DPF3: variants seen among roughly 807,000 people sequenced by gnomAD.
The protein encoded by DPF3 is zinc finger protein DPF3.
A neutral mutation model predicts 56.8 loss-of-function variants in DPF3; 18 were observed. The observed-to-expected ratio is 0.32, with a 90% CI of 0.22 to 0.47. DPF3 has a LOEUF of 0.47. Ranked by LOEUF, DPF3 falls within the 20% of genes least tolerant of loss-of-function variation. The pLI, the probability that DPF3 is intolerant of heterozygous loss-of-function variation, is 1.00. For missense variants in DPF3, 403 were observed against 488.8 expected, an observed-to-expected ratio of 0.82 and a Z score of 1.65; for synonymous variants, 188 against 180.2, an observed-to-expected ratio of 1.04 and a Z score of -0.35.
chr14:72,707,075 T>C (rs1294228337), intron 6 of DPF3, among the ~76,000 whole-genome samples: 37 of 150,802 alleles, frequency 2.5e-4, no homozygotes, highest in Non-Finnish European at 4.4e-5. Flanking sequence ...GAATATGCGG[T>C]GTTTGGTTTT....
intron 8 of DPF3, chr14:72,662,368 C>T (rs181492165): frequency 1.0e-6 from 1 of 985,112 alleles, no homozygotes; most frequent in Non-Finnish European, 1.2e-6. Flanking sequence ...CAAAATTGCG[C>T]TTAACTTTTG....
chr14:72,892,187 C>T, intron 1 of DPF3: 1 of 1,535,366 alleles, frequency 6.5e-7, no homozygotes, highest in Non-Finnish European at 8.7e-7. Context: ...TTGAGTTTAC[C>T]AGGTGGCATC....
chr14:72,749,273 T>C (rs1180041506), intron 3 of DPF3, among the ~76,000 whole-genome samples: 1 of 152,230 alleles, frequency 6.6e-6, no homozygotes. Flanking sequence ...TTGACTGCCA[T>C]GCTGGATTTT....
At chr14:72,692,444 G>A (rs781418302) in intron 7 of DPF3, among the ~76,000 whole-genome samples, 1 of 152,204 alleles carries the variant, frequency 6.6e-6, no homozygotes, top group Non-Finnish European at 1.5e-5. Flanking sequence ...AGGTAAGAAA[G>A]CAGAGAAACG....
chr14:72,620,378 T>C (rs557998205), intron 9 of DPF3, among the ~76,000 whole-genome samples: 2 of 152,234 alleles, frequency 1.3e-5, no homozygotes, highest in Non-Finnish European at 2.9e-5. Flanking sequence ...AAGATCTTAA[T>C]TGAATTCTTC....
intron 6 of DPF3, among the ~76,000 whole-genome samples, chr14:72,709,296 C>T (rs950744427): frequency 3.9e-5 from 6 of 152,102 alleles, no homozygotes; most frequent in South Asian, 4.2e-4. Flanking sequence ...TGACACCTGA[C>T]GTGACTCAGG....
intron 3 of DPF3, among the ~76,000 whole-genome samples, chr14:72,739,711 C>T (rs888032998): frequency 2.6e-5 from 4 of 152,134 alleles, no homozygotes; most frequent in Admixed American, 2.6e-4. Context: ...CCAGGGTGGC[C>T]ATTGCTCCTG....
chr14:72,767,843 T>C (rs373212830), intron 2 of DPF3, among the ~76,000 whole-genome samples: 1 of 147,304 alleles, frequency 6.8e-6, no homozygotes, highest in African/African-American at 2.5e-5. Flanking sequence ...AAAAAATCTA[T>C]GGCAAAACAC....
Position 72,691,455 on chromosome 14 carries a change from G to A in DPF3, c.742+1621C>T, listed in dbSNP as rs140643735. 4.5e-3 allele frequency among the ~76,000 whole-genome samples: 684 copies of A among 152,308 alleles called. 7 individuals are homozygous for A. Among genetic ancestry groups the A allele is most frequent in the African/African-American group, 0.016 (661 of 41,558 alleles). ...TACAAGAAGAGGAAATGGGCTGGGC[G>A]TGGTGGCTCACACCTATAATCCCAG... On this transcript the variant is annotated intron_variant, in intron 7 of 10. Transcript: ENST00000556509.
intron 1 of DPF3, among the ~76,000 whole-genome samples, chr14:72,857,995 G>T (rs886245513): frequency 1.3e-5 from 2 of 151,654 alleles, no homozygotes; most frequent in South Asian, 2.1e-4. Flanking sequence ...CATAGAAAAC[G>T]TTCAGAGCAA....
At chr14:72,641,573 G>C (rs1381032696) in intron 8 of DPF3, among the ~76,000 whole-genome samples, 2 of 152,246 alleles carry the variant, frequency 1.3e-5, no homozygotes, top group African/African-American at 4.8e-5. Flanking sequence ...CAGCCCCAGA[G>C]TCTGATCAAG....
chr14:72,674,283 C>T lies in DPF3; in HGVS notation c.828G>A (p.Gly276=), dbSNP rs1379496317. ...LGGSNMNKKS[G]RPEELVSCAD... ...CGCAGGACACCAGCTCTTCAGGCCGCCCACTCTTCTTGTTCATGTTGGAGC... is the reference window on the plus strand; with the variant it reads ...CGCAGGACACCAGCTCTTCAGGCCGTCCACTCTTCTTGTTCATGTTGGAGC... The change falls in exon 8 of 11, where the codon GGG becomes GGA. Residue 276 remains glycine (G), a synonymous_variant. Coordinates refer to ENST00000556509, the MANE Select transcript of DPF3 (RefSeq NM_001280542.3). 1 of 1,612,584 alleles carries T rather than the reference C, an allele frequency of 6.2e-7. No homozygotes were observed. Among genetic ancestry groups the T allele is most frequent in the Non-Finnish European group, 8.5e-7 (1 of 1,179,450 alleles).
At chr14:72,704,500 C>T (rs1888323241) in intron 6 of DPF3, among the ~76,000 whole-genome samples, 1 of 152,042 alleles carries the variant, frequency 6.6e-6, no homozygotes. Flanking sequence ...TTTGTGAGTT[C>T]CAGGCTATCC....
At chr14:72,887,621 G>T (rs1886597636) in intron 1 of DPF3, among the ~76,000 whole-genome samples, 1 of 152,244 alleles carries the variant, frequency 6.6e-6, no homozygotes, top group Non-Finnish European at 1.5e-5. Context: ...GAGCCAGAAA[G>T]TTGTTGGCTT....
chr14:72,744,868 A>G (rs1356455618), intron 3 of DPF3, among the ~76,000 whole-genome samples: 1 of 152,148 alleles, frequency 6.6e-6, no homozygotes, highest in African/African-American at 2.4e-5. Context: ...GCCTTGAGAC[A>G]ATTCTGCTCC....
intron 8 of DPF3, among the ~76,000 whole-genome samples, chr14:72,639,869 G>T (rs61994427): frequency 0.057 from 8,705 of 151,714 alleles, 269 homozygotes; most frequent in Middle Eastern, 0.082. Context: ...ATTATATATA[G>T]AGAGAGAGAC....
At chr14:72,778,144 T>A (rs1357115053) in intron 1 of DPF3, among the ~76,000 whole-genome samples, 1 of 152,070 alleles carries the variant, frequency 6.6e-6, no homozygotes. Flanking sequence ...ATCTTGAACT[T>A]CCCAGCCTCC....
chr14:72,797,521 C>T (rs1440027320), intron 1 of DPF3, among the ~76,000 whole-genome samples: 1 of 152,116 alleles, frequency 6.6e-6, no homozygotes, highest in African/African-American at 2.4e-5. Flanking sequence ...AAGTATTGAA[C>T]TGATATATCA....
intron 7 of DPF3, among the ~76,000 whole-genome samples, chr14:72,692,416 A>C (rs1887729696): frequency 6.6e-6 from 1 of 152,168 alleles, no homozygotes; most frequent in African/African-American, 2.4e-5. Flanking sequence ...GGATTCCCTA[A>C]TTCATAATTG....
Sources: gnomAD v4.1 joint callset for allele counts (sites outside exome capture counted in the v4.1 genomes callset) on GRCh38, gnomAD v4.1.1 for gene constraint, MANE v1.5 for transcripts, NCBI Gene and HGNC (gene_info 2026-07-23, HGNC 2026-07-21) for gene names.